The following MAD1L1 variants were observed in gnomAD, a reference collection of about 807,000 sequenced individuals.
MAD1L1 encodes the protein mitotic spindle assembly checkpoint protein MAD1.
MAD1L1 carries 95 observed loss-of-function variants against 96.9 expected under a neutral mutation model. The observed-to-expected ratio is 0.98, with a 90% CI of 0.83 to 1.16. The LOEUF (loss-of-function observed/expected upper bound fraction) is 1.16. Ranked by LOEUF, MAD1L1 falls within the 50% of genes most tolerant of loss-of-function variation. The pLI is 0.00. For missense variants in MAD1L1, 1,007 were observed against 954.4 expected, an observed-to-expected ratio of 1.06 and a Z score of -0.73; for synonymous variants, 473 against 396.6, an observed-to-expected ratio of 1.19 and a Z score of -2.29.
At chr7:1,833,905 G>A (rs536446991) in intron 18 of MAD1L1, among the ~76,000 whole-genome samples, 32 of 152,300 alleles carry the variant, frequency 2.1e-4, no homozygotes, top group Admixed American at 5.9e-4. Flanking sequence ...CTGAGATTGC[G>A]CCATGCACTC....
rs368929780 is a variant in MAD1L1 at position 2,008,400 on chromosome 7, G to A, written c.1359+6102C>T. Among the ~76,000 whole-genome samples, 79 of 152,348 alleles carry A rather than the reference G, an allele frequency of 5.2e-4. 1 individual carries two copies. The highest frequency in any genetic ancestry group is 1.8e-3 in the African/African-American group (73 of 41,576). On this transcript the variant is annotated intron_variant, in intron 13 of 18. Transcript: ENST00000265854. Reference sequence around the variant, plus strand: ...ACTGTGGGGCTGCCCAGTCACCTTCGGGGGACACAGACACCTCTCACTCTC... The same window carrying A: ...ACTGTGGGGCTGCCCAGTCACCTTCAGGGGACACAGACACCTCTCACTCTC...
chr7:2,138,093 C>G (rs1049078248), intron 11 of MAD1L1, among the ~76,000 whole-genome samples: 1 of 152,258 alleles, frequency 6.6e-6, no homozygotes, highest in Non-Finnish European at 1.5e-5. Context: ...GGGCTGCACC[C>G]ACGCTGCGCT....
At chr7:2,006,375 G>A (rs1014883094) in intron 13 of MAD1L1, among the ~76,000 whole-genome samples, 3 of 152,202 alleles carry the variant, frequency 2.0e-5, no homozygotes, top group Admixed American at 1.3e-4. Flanking sequence ...GCCACAATGC[G>A]TGCCTGTCCT....
At chr7:2,124,347 C>T (rs1034316714) in intron 11 of MAD1L1, among the ~76,000 whole-genome samples, 2 of 152,216 alleles carry the variant, frequency 1.3e-5, no homozygotes, top group Non-Finnish European at 2.9e-5. Flanking sequence ...TGTGGAACTA[C>T]CACGGGGCGT....
At position 2,049,798 on chromosome 7, in the gene MAD1L1, G is replaced by A. The variant is rs558175769; in HGVS notation, c.1218+19396C>T. On this transcript the variant is annotated intron_variant, in intron 12 of 18. Coordinates refer to ENST00000265854, the MANE Select transcript of MAD1L1 (RefSeq NM_001013836.2). ...AGGCACCAGACCACAGGTTCACAGG[G>A]CACCTCATCCAACATCTGCTGGCAC... Among the ~76,000 whole-genome samples the A allele has an allele frequency of 1.2e-4, 18 of 152,196 alleles. No individual in the cohort carries two copies. In the East Asian group the frequency reaches 3.3e-3, roughly 28 times the overall value.
At chr7:1,872,077 C>A (rs1785141318) in intron 18 of MAD1L1, among the ~76,000 whole-genome samples, 2 of 152,200 alleles carry the variant, frequency 1.3e-5, no homozygotes, top group South Asian at 4.1e-4. Flanking sequence ...ACAGCCCAGT[C>A]CAGGCCCCAG....
intron 11 of MAD1L1, among the ~76,000 whole-genome samples, chr7:2,110,705 T>C (rs1280948632): frequency 6.6e-6 from 1 of 152,168 alleles, no homozygotes; most frequent in African/African-American, 2.4e-5. Context: ...TTAAGATGCT[T>C]TCAGATCTGT....
intron 18 of MAD1L1, among the ~76,000 whole-genome samples, chr7:1,823,992 C>T (rs1253243790): frequency 6.6e-6 from 1 of 152,142 alleles, no homozygotes; most frequent in Non-Finnish European, 1.5e-5. Context: ...ATGCTGGGAG[C>T]CCATTTGTGG....
chr7:2,008,752 G>A (rs1469297557), intron 13 of MAD1L1, among the ~76,000 whole-genome samples: 3 of 147,292 alleles, frequency 2.0e-5, no homozygotes, highest in Non-Finnish European at 4.5e-5. Context: ...AGCCTCAGAC[G>A]CAGACACGCA....
intron 12 of MAD1L1, among the ~76,000 whole-genome samples, chr7:2,028,901 TGCAACAAGGCTGCGCAGG>T (rs1277898177): frequency 5.3e-5 from 8 of 150,672 alleles, no homozygotes; most frequent in Admixed American, 3.3e-4. Context: ...CTTCACACAG[TGCAACAAGGCTGCGCAGG>T]GCAACAAGGC....
At chr7:2,194,698 G>C (rs1390312255) in intron 10 of MAD1L1, among the ~76,000 whole-genome samples, 1 of 152,064 alleles carries the variant, frequency 6.6e-6, no homozygotes, top group Admixed American at 6.6e-5. Context: ...CCTATCATAG[G>C]TACCCACTGT....
intron 18 of MAD1L1, chr7:1,847,573 CATG>C (rs1280389943): frequency 6.4e-6 from 3 of 471,000 alleles, no homozygotes; most frequent in Non-Finnish European, 8.8e-6. Flanking sequence ...GCCTTCGGCC[CATG>C]TTCTGAAACC....
At chr7:2,174,451 G>C (rs1430434796) in intron 10 of MAD1L1, among the ~76,000 whole-genome samples, 2 of 152,144 alleles carry the variant, frequency 1.3e-5, no homozygotes, top group African/African-American at 4.8e-5. Context: ...GTACTTGGTG[G>C]CTCCTTCAGT....
At chr7:2,196,135 C>T (rs1452401655) in intron 10 of MAD1L1, among the ~76,000 whole-genome samples, 1 of 152,222 alleles carries the variant, frequency 6.6e-6, no homozygotes, top group East Asian at 1.9e-4. Flanking sequence ...ACTGGATGCC[C>T]TTGGGCCAGT....
At chr7:1,975,146 G>A (rs143892352) in intron 15 of MAD1L1, among the ~76,000 whole-genome samples, 2 of 152,328 alleles carry the variant, frequency 1.3e-5, no homozygotes, top group African/African-American at 2.4e-5. Flanking sequence ...CTGTTGACCT[G>A]GCTGCCTCAG....
rs139705318 is a variant in MAD1L1 at position 1,887,297 on chromosome 7, G to A, written c.1998+10903C>T. Reference sequence around the variant, plus strand: ...TGCATGTGTGTATGTGGCTGCCTGTGTGTGGGCATGTGTGTGCATGCATGC... The same window carrying A: ...TGCATGTGTGTATGTGGCTGCCTGTATGTGGGCATGTGTGTGCATGCATGC... On this transcript the variant is annotated intron_variant, in intron 18 of 18. Coordinates refer to ENST00000265854, the MANE Select transcript of MAD1L1 (RefSeq NM_001013836.2). 4.1e-3 allele frequency among the ~76,000 whole-genome samples: 624 copies of A among 152,146 alleles called. 5 individuals are homozygous for A. The highest frequency in any genetic ancestry group is 0.014 in the African/African-American group (571 of 41,534).
intron 18 of MAD1L1, among the ~76,000 whole-genome samples, chr7:1,840,063 G>A (rs1241273864): frequency 2.6e-5 from 4 of 152,210 alleles, no homozygotes; most frequent in South Asian, 4.1e-4. Flanking sequence ...AGGGCCAGAC[G>A]AGTGAGCCAC....
Position 2,204,230 on chromosome 7 carries a change from C to G in MAD1L1, c.986+8982G>C, listed in dbSNP as rs150673717. On this transcript the variant is annotated intron_variant, in intron 10 of 18. Transcript: ENST00000265854. ...AAATGAAGGCTGGCTTAAACAGCAC[C>G]CCCAGGCCACTCTCCAATTCAGTCC... 1.6e-3 allele frequency among the ~76,000 whole-genome samples: 251 copies of G among 152,250 alleles called. 2 individuals are homozygous for G. Among genetic ancestry groups the G allele is most frequent in the Non-Finnish European group, 2.9e-3 (198 of 68,022 alleles).
intron 11 of MAD1L1, among the ~76,000 whole-genome samples, chr7:2,106,645 G>A (rs1048942625): frequency 6.6e-6 from 1 of 152,208 alleles, no homozygotes; most frequent in African/African-American, 2.4e-5. Flanking sequence ...AGCATAGCCC[G>A]TCACACTCTC....
Sources: gnomAD v4.1 joint callset for allele counts (sites outside exome capture counted in the v4.1 genomes callset) on GRCh38, gnomAD v4.1.1 for gene constraint, MANE v1.5 for transcripts, NCBI Gene and HGNC (gene_info 2026-07-23, HGNC 2026-07-21) for gene names.